Variants in CASK observed in about 807,000 individuals in gnomAD.
The protein encoded by CASK is peripheral plasma membrane protein CASK.
A neutral mutation model predicts 82.9 loss-of-function variants in CASK; 4 were observed. The observed-to-expected ratio is 0.05, with a 90% CI of 0.02 to 0.11. The LOEUF is 0.11. CASK is among the 10% of genes least tolerant of loss of function. The pLI is 1.00. For missense variants in CASK, 358 were observed against 720.9 expected, an observed-to-expected ratio of 0.50 and a Z score of 5.76; for synonymous variants, 259 against 253.5, an observed-to-expected ratio of 1.02 and a Z score of -0.20.
At chrX:41,898,704 G>C (rs978169035) in intron 1 of CASK, among the ~76,000 whole-genome samples, 9 of 111,678 alleles carry the variant, frequency 8.1e-5, no homozygotes, top group Non-Finnish European at 1.5e-4. Flanking sequence ...GGTTGTTCAG[G>C]AGTGTGTTGT....
At chrX:41,555,458 G>A (rs2065148679) in intron 20 of CASK, 142 bp downstream of exon 20, 1 of 486,235 alleles carries the variant, frequency 2.1e-6, no homozygotes, top group African/African-American at 2.4e-5. Flanking sequence ...CATGTGTAAT[G>A]TGTTAAAATG....
intron 5 of CASK, chrX:41,724,344 A>G (rs2068218362): frequency 8.9e-6 from 1 of 112,908 alleles, no homozygotes; most frequent in South Asian, 3.6e-4. Context: ...ATAAAAATAA[A>G]CAGGACCTAA....
intron 25 of CASK, among the ~76,000 whole-genome samples, chrX:41,528,877 G>A (rs2064753522): frequency 8.9e-6 from 1 of 112,248 alleles, no homozygotes; most frequent in African/African-American, 3.2e-5. Context: ...GGGCAGAGAA[G>A]CCCGAGAGTG....
At chrX:41,822,345 C>A (rs1601869041) in intron 2 of CASK, among the ~76,000 whole-genome samples, 4 of 109,644 alleles carry the variant, frequency 3.6e-5, no homozygotes, top group African/African-American at 1.3e-4. Context: ...ACTGCCTGAG[C>A]TCAAGAGTTC....
At chrX:41,634,148 TGAG>T (rs72473968) in intron 9 of CASK, among the ~76,000 whole-genome samples, 12,938 of 111,382 alleles carry the variant, frequency 0.12, 740 homozygotes, top group Middle Eastern at 0.17. Flanking sequence ...CACCCACCAC[TGAG>T]GAGGTTAAGA....
intron 7 of CASK, among the ~76,000 whole-genome samples, chrX:41,664,837 G>A (rs769584826): frequency 8.9e-6 from 1 of 112,764 alleles, no homozygotes; most frequent in South Asian, 3.6e-4. Context: ...CCTCTATATT[G>A]TATCATGAAA....
chrX:41,606,437 A>T (rs2065963665), intron 12 of CASK, among the ~76,000 whole-genome samples: 1 of 111,576 alleles, frequency 9.0e-6, no homozygotes. Context: ...TATTTTTAGT[A>T]GAGATGGGTT....
At chrX:41,527,243 CAG>C (rs958703156) in intron 25 of CASK, among the ~76,000 whole-genome samples, 40 of 105,542 alleles carry the variant, frequency 3.8e-4, no homozygotes, top group African/African-American at 1.0e-3. Flanking sequence ...GAGAGAGAGA[CAG>C]AGAGAGAGAG....
chrX:41,702,892 G>A (rs1051582676), intron 5 of CASK, among the ~76,000 whole-genome samples: 3 of 112,072 alleles, frequency 2.7e-5, no homozygotes, highest in Non-Finnish European at 5.6e-5. Flanking sequence ...AAACATGTAC[G>A]ATAATCCAGA....
intron 5 of CASK, among the ~76,000 whole-genome samples, chrX:41,681,952 AAAAAAG>A (rs2067362891): frequency 9.3e-6 from 1 of 108,004 alleles, no homozygotes; most frequent in Non-Finnish European, 1.9e-5. Context: ...ATCTTAAAAA[AAAAAAG>A]AAAAAGCTGA....
chrX:41,536,392 G>A (rs1009870390), intron 22 of CASK, among the ~76,000 whole-genome samples: 2 of 111,147 alleles, frequency 1.8e-5, no homozygotes, highest in Admixed American at 1.9e-4. Flanking sequence ...ACAGGTGTGA[G>A]CCATCGTGCC....
intron 5 of CASK, among the ~76,000 whole-genome samples, chrX:41,694,532 C>T (rs184805980): frequency 2.7e-5 from 3 of 112,303 alleles, no homozygotes; most frequent in East Asian, 5.6e-4. Context: ...ACTATCTCTT[C>T]GAAGGTTCTA....
intron 5 of CASK, among the ~76,000 whole-genome samples, chrX:41,674,160 C>T (rs2067234541): frequency 9.1e-6 from 1 of 110,061 alleles, no homozygotes; most frequent in Admixed American, 9.8e-5. Flanking sequence ...TAAACACAAT[C>T]TCATCAACTA....
chrX:41,909,905 C>A (rs1385395444), intron 1 of CASK, among the ~76,000 whole-genome samples: 1 of 111,499 alleles, frequency 9.0e-6, no homozygotes, highest in Non-Finnish European at 1.9e-5. Flanking sequence ...CCGTGCCCAG[C>A]CAAAGTACAA....
At chrX:41,916,017 G>GCA (rs2072678172) in intron 1 of CASK, among the ~76,000 whole-genome samples, 1 of 97,038 alleles carries the variant, frequency 1.0e-5, no homozygotes, top group African/African-American at 4.0e-5. Context: ...ACACACACAC[G>GCA]CACACACAAA....
intron 3 of CASK, among the ~76,000 whole-genome samples, chrX:41,762,342 T>G (rs1226161012): frequency 1.8e-5 from 2 of 111,860 alleles, no homozygotes; most frequent in East Asian, 2.8e-4. Flanking sequence ...GGGTAGAAAC[T>G]GAGGTGCCAA....
Position 41,727,634 on chromosome X carries a change from G to T in CASK, c.429+11750C>A. 2.5e-6 allele frequency: 3 copies of T among 1,209,347 alleles called. No homozygotes were observed. In the South Asian group the frequency reaches 5.3e-5, roughly 21 times the overall value. On this transcript the variant is annotated intron_variant, in intron 5 of 26. Transcript: ENST00000378163. ...GGAGCCATGATCTCTCAGATTGCAG[G>T]TCTCATTGGAACCACATTTATTGGA... is the stretch of plus-strand genomic sequence containing the variant.
At chrX:41,541,765 A>T (rs1300308959) in intron 22 of CASK, among the ~76,000 whole-genome samples, 2 of 112,104 alleles carry the variant, frequency 1.8e-5, no homozygotes, top group Admixed American at 9.5e-5. Flanking sequence ...GCATGACTAG[A>T]TTCACTTGAT....
At chrX:41,753,193 G>A (rs1465672122) in intron 3 of CASK, among the ~76,000 whole-genome samples, 1 of 111,436 alleles carries the variant, frequency 9.0e-6, no homozygotes, top group African/African-American at 3.3e-5. Flanking sequence ...TATTAAAATG[G>A]GGTGTTAAAG....
Sources: allele counts gnomAD v4.1 joint callset (sites outside exome capture counted in the v4.1 genomes callset), GRCh38; gene constraint gnomAD v4.1.1; transcripts MANE v1.5; gene names NCBI Gene and HGNC (gene_info 2026-07-23, HGNC 2026-07-21).